CD302: variants seen among roughly 807,000 people sequenced by gnomAD.
CD302 encodes the protein CD302 molecule, also known as CD302 antigen.
In CD302, 23 loss-of-function variants were observed where a neutral mutation model predicts 26.5. That is an observed-to-expected ratio of 0.87 (90% CI 0.62 to 1.23). The LOEUF is 1.23. Among genes scored for constraint, CD302 ranks in the 50% most tolerant of loss-of-function variants. CD302 has a pLI of 0.00. For missense variants in CD302, 290 were observed against 275.5 expected (o/e 1.05, Z -0.37); for synonymous variants, 90 against 99.4 (o/e 0.91, Z 0.56).
intron 1 of CD302, among the ~76,000 whole-genome samples, chr2:159,790,610 C>T (rs1708781703): frequency 6.6e-6 from 1 of 152,122 alleles, no homozygotes; most frequent in Non-Finnish European, 1.5e-5. Context: ...TTTGATTATT[C>T]TTTCTCTTCT....
chr2:159,796,726 AG>A (rs1484763369), intron 1 of CD302, among the ~76,000 whole-genome samples: 1 of 152,230 alleles, frequency 6.6e-6, no homozygotes, highest in Non-Finnish European at 1.5e-5. Flanking sequence ...AAATTTCCAA[AG>A]GGAAATTTGC....
intron 1 of CD302, among the ~76,000 whole-genome samples, chr2:159,792,321 C>T (rs1386278527): frequency 6.6e-6 from 1 of 152,084 alleles, no homozygotes; most frequent in Non-Finnish European, 1.5e-5. Context: ...ATATGCAATG[C>T]TTCATACAAT....
Position 159,780,255 on chromosome 2 carries a change from G to A in CD302, c.296-77C>T, listed in dbSNP as rs960285723. ...AGCCAAAAAGGGTGTAGGATTAAAGGTGGAAAGTTACTAAGGTATGTCTGG... is the reference window on the plus strand; with the variant it reads ...AGCCAAAAAGGGTGTAGGATTAAAGATGGAAAGTTACTAAGGTATGTCTGG... On this transcript the variant is annotated intron_variant, in intron 3 of 5. Transcript: ENST00000259053. The A allele has an allele frequency of 6.6e-6, 10 of 1,506,544 alleles. No individual in the cohort carries two copies. The Admixed American group carries it at 2.0e-4, about 30-fold the overall frequency. 93.3% of individuals were successfully genotyped at this position (1,506,544 alleles called of 1,614,324 possible). A position where few individuals can be genotyped will look rare whatever the true frequency, so the allele number is the denominator to read the frequency against.
intron 5 of CD302, among the ~76,000 whole-genome samples, chr2:159,774,655 C>T (rs1477691489): frequency 6.6e-6 from 1 of 152,174 alleles, no homozygotes; most frequent in Admixed American, 6.5e-5. Context: ...TGCCTGATGT[C>T]TACTTATCCT....
At chr2:159,788,113 A>G (rs1468771272) in intron 1 of CD302, among the ~76,000 whole-genome samples, 1 of 152,142 alleles carries the variant, frequency 6.6e-6, no homozygotes, top group Non-Finnish European at 1.5e-5. Context: ...CTCAAAAAAA[A>G]AAAAAGAAAA....
rs779873050 is a variant in CD302, at chr2:159,770,250, A to T, written c.*1601T>A. On this transcript the variant is annotated 3_prime_UTR_variant, in exon 6 of 6. Transcript: ENST00000259053. ...ATAGTCTATCAATAATAAAATAGAC[A>T]TCTCAATCACTATACAAAATCTCAG... The T allele has an allele frequency of 3.3e-5, 5 of 152,240 alleles. No homozygotes were observed. The highest frequency in any genetic ancestry group is 9.6e-5 in the African/African-American group (4 of 41,466). 9.4% of individuals were successfully genotyped at this position (152,240 alleles called of 1,614,324 possible). A position where few individuals can be genotyped will look rare whatever the true frequency, so the allele number is the denominator to read the frequency against.
Position 159,781,130 on chromosome 2 carries a change from C to T in CD302, c.179-132G>A. On this transcript the variant is annotated intron_variant, in intron 2 of 5. Coordinates refer to ENST00000259053, the MANE Select transcript of CD302 (RefSeq NM_014880.5). ...AGCTGGACAATAAACTTTGATCTTA[C>T]AGTTCATACAAGCTAATAAGGTTAC... The T allele has an allele frequency of 4.3e-6, 3 of 705,376 alleles. No homozygotes were observed. The South Asian group carries it at 6.0e-5, about 14-fold the overall frequency. The allele number at this position is 705,376 out of a possible 1,614,324, so 43.7% of individuals were successfully genotyped here.
chr2:159,772,938 ACTAT>A lies in CD302; in HGVS notation c.497-889_497-886del, dbSNP rs760867565. 6.6e-5 allele frequency among the ~76,000 whole-genome samples: 10 copies of A among 152,286 alleles called. No individual in the cohort carries two copies. In the East Asian group the frequency reaches 1.7e-3, roughly 26 times the overall value. ...GGAGTGAGGAAATGGCCCCAAGTGA[ACTAT>A]CTTTTTAATTCTGAAATAAAATTTG... On this transcript the variant is annotated intron_variant, in intron 5 of 5. Coordinates refer to ENST00000259053, the MANE Select transcript of CD302 (RefSeq NM_014880.5).
intron 1 of CD302, among the ~76,000 whole-genome samples, chr2:159,793,175 T>A (rs2125815412): frequency 6.6e-6 from 1 of 152,334 alleles, no homozygotes; most frequent in South Asian, 2.1e-4. Flanking sequence ...TAGGTTGTTA[T>A]TAATAATGCA....
intron 5 of CD302, among the ~76,000 whole-genome samples, chr2:159,777,502 TCTA>T (rs1708370138): frequency 6.6e-6 from 1 of 152,214 alleles, no homozygotes; most frequent in African/African-American, 2.4e-5. Context: ...GACCCAGCTT[TCTA>T]CTTTCTAGAA....
chr2:159,787,445 C>T (rs1708697373), intron 1 of CD302, among the ~76,000 whole-genome samples: 1 of 151,618 alleles, frequency 6.6e-6, no homozygotes, highest in African/African-American at 2.4e-5. Flanking sequence ...TATATTTGAT[C>T]CTTTTTCTTT....
intron 5 of CD302, among the ~76,000 whole-genome samples, chr2:159,775,041 CTAAAAA>C (rs1261438524): frequency 2.6e-5 from 4 of 152,164 alleles, no homozygotes; most frequent in Admixed American, 1.3e-4. Flanking sequence ...GGCCACTGTA[CTAAAAA>C]TAAAAATAAA....
chr2:159,778,031 T>G (rs1708390526), intron 4 of CD302, 67 bp from the exon 5 acceptor site: 1 of 629,062 alleles, frequency 1.6e-6, no homozygotes, highest in Admixed American at 3.9e-5. Flanking sequence ...ACTTTAAACA[T>G]GTTCACAATC....
rs753448333 is a variant in CD302, at chr2:159,771,820, G to C, written c.*31C>G. 8 of 1,607,556 alleles carry C rather than the reference G, an allele frequency of 5.0e-6. 1 individual carries two copies. The South Asian group carries it at 8.8e-5, about 18-fold the overall frequency. Reference sequence around the variant, plus strand: ...CAAGTTATCTCTGCCAGGGCATTTTGTTGATGTCTTAGTGCAAGATTACCA... The same window carrying C: ...CAAGTTATCTCTGCCAGGGCATTTTCTTGATGTCTTAGTGCAAGATTACCA... On this transcript the variant is annotated 3_prime_UTR_variant, in exon 6 of 6. Transcript: ENST00000259053.
intron 1 of CD302, among the ~76,000 whole-genome samples, chr2:159,788,001 G>A (rs1412394798): frequency 1.3e-5 from 2 of 152,124 alleles, no homozygotes; most frequent in African/African-American, 4.8e-5. Flanking sequence ...CAGCTATTGG[G>A]GAGCCTGAGG....
chr2:159,792,046 G>A (rs1204358425), intron 1 of CD302, among the ~76,000 whole-genome samples: 2 of 152,218 alleles, frequency 1.3e-5, no homozygotes, highest in Non-Finnish European at 2.9e-5. Flanking sequence ...TGAAGCAGTT[G>A]CTTGTCTGGG....
chr2:159,790,276 G>T (rs1708774509), intron 1 of CD302, among the ~76,000 whole-genome samples: 1 of 152,124 alleles, frequency 6.6e-6, no homozygotes, highest in African/African-American at 2.4e-5. Flanking sequence ...AGGAGAAGGA[G>T]AGTATAACTT....
At position 159,791,201 on chromosome 2, in the gene CD302, A is replaced by C. The variant is rs891001594; in HGVS notation, c.67+6931T>G. On this transcript the variant is annotated intron_variant, in intron 1 of 5. Coordinates refer to ENST00000259053, the MANE Select transcript of CD302 (RefSeq NM_014880.5). ...GACCTTTTCTGGCAACAAGGACTAA[A>C]GACATGCTCAGGCTACCAGATGATA... 3.3e-5 allele frequency among the ~76,000 whole-genome samples: 5 copies of C among 152,224 alleles called. 1 individual carries two copies. The highest frequency in any genetic ancestry group is 2.4e-5 in the African/African-American group (1 of 41,444).
intron 1 of CD302, among the ~76,000 whole-genome samples, chr2:159,790,618 T>C (rs1439377170): frequency 6.6e-6 from 1 of 152,212 alleles, no homozygotes; most frequent in African/African-American, 2.4e-5. Flanking sequence ...TTCTTTCTCT[T>C]CTTTTTTCCC....
Sources: allele counts gnomAD v4.1 joint callset (sites outside exome capture counted in the v4.1 genomes callset), GRCh38; gene constraint gnomAD v4.1.1; transcripts MANE v1.5; gene names NCBI Gene and HGNC (gene_info 2026-07-23, HGNC 2026-07-21).